TRPM3: variants seen among roughly 807,000 people sequenced by gnomAD.
TRPM3 encodes long transient receptor potential channel 3.
In TRPM3, 77 loss-of-function variants were observed where a neutral mutation model predicts 181.2. That is an observed-to-expected ratio of 0.42 (90% CI 0.35 to 0.51). The LOEUF (loss-of-function observed/expected upper bound fraction) is 0.51. Ranked by LOEUF, TRPM3 falls within the 20% of genes least tolerant of loss-of-function variation. The probability of loss-of-function intolerance (pLI) is 0.01; values close to 1 mark genes in which losing one functional copy is unlikely to be tolerated. For missense variants in TRPM3, 1,759 were observed against 2,196.7 expected, an observed-to-expected ratio of 0.80 and a Z score of 3.98; for synonymous variants, 745 against 796.4, an observed-to-expected ratio of 0.94 and a Z score of 1.09.
chr9:71,440,568 T>C (rs966312438), intron 1 of TRPM3, among the ~76,000 whole-genome samples: 1 of 152,206 alleles, frequency 6.6e-6, no homozygotes, highest in Non-Finnish European at 1.5e-5. Context: ...CCACCACACT[T>C]AAAGAGGCAT....
intron 1 of TRPM3, among the ~76,000 whole-genome samples, chr9:71,042,758 A>C (rs1435254500): frequency 6.6e-6 from 1 of 152,140 alleles, no homozygotes; most frequent in Non-Finnish European, 1.5e-5. Flanking sequence ...GTAAGAGTCA[A>C]TTTTTCAAAC....
intron 1 of TRPM3, among the ~76,000 whole-genome samples, chr9:71,435,292 T>C (rs1366057722): frequency 2.0e-5 from 3 of 152,240 alleles, no homozygotes; most frequent in Admixed American, 2.0e-4. Flanking sequence ...TCATGTTATA[T>C]GCCAAATTCT....
chr9:70,700,707 C>T (rs1564059937), intron 8 of TRPM3, among the ~76,000 whole-genome samples: 1 of 152,204 alleles, frequency 6.6e-6, no homozygotes, highest in Non-Finnish European at 1.5e-5. Flanking sequence ...TAGAAACTTT[C>T]ATCAGATTGA....
chr9:71,383,567 A>C (rs1251359126), intron 1 of TRPM3, among the ~76,000 whole-genome samples: 1 of 152,072 alleles, frequency 6.6e-6, no homozygotes, highest in Non-Finnish European at 1.5e-5. Context: ...GCCCTCCTCC[A>C]CAGCTACTAT....
intron 6 of TRPM3, among the ~76,000 whole-genome samples, chr9:70,815,686 T>C (rs2092630182): frequency 6.6e-6 from 1 of 152,246 alleles, no homozygotes; most frequent in Non-Finnish European, 1.5e-5. Flanking sequence ...CTTTTTGATT[T>C]GTAGATACTC....
intron 8 of TRPM3, among the ~76,000 whole-genome samples, chr9:70,737,575 A>G (rs2073023402): frequency 8.6e-6 from 1 of 116,442 alleles, no homozygotes; most frequent in Non-Finnish European, 1.8e-5. Context: ...CAATTAAAAG[A>G]CACAGAATGG....
Position 71,096,018 on chromosome 9 carries a change from G to A in TRPM3, c.177+25160C>T, listed in dbSNP as rs2067128684. ...TCTGTGGTTTTGTGGAGACCACCTTGGCTTTATCCATTTAAGGGTTAAACA... is the reference window on the plus strand; with the variant it reads ...TCTGTGGTTTTGTGGAGACCACCTTAGCTTTATCCATTTAAGGGTTAAACA... On this transcript the variant is annotated intron_variant, in intron 1 of 25. Coordinates refer to ENST00000677713, the MANE Select transcript of TRPM3 (RefSeq NM_001366145.2). Among the ~76,000 whole-genome samples the A allele has an allele frequency of 1.3e-5, 2 of 151,970 alleles. 1 individual carries two copies. Among genetic ancestry groups the A allele is most frequent in the South Asian group, 4.1e-4 (2 of 4,822 alleles).
At chr9:70,807,953 G>T (rs2091060286) in intron 6 of TRPM3, among the ~76,000 whole-genome samples, 1 of 151,890 alleles carries the variant, frequency 6.6e-6, no homozygotes. Context: ...AGTGAGAAGA[G>T]AATGAAATTT....
At chr9:71,323,333 T>C (rs1218512957) in intron 1 of TRPM3, among the ~76,000 whole-genome samples, 1 of 152,186 alleles carries the variant, frequency 6.6e-6, no homozygotes, top group East Asian at 1.9e-4. Flanking sequence ...TTCTCTAAAG[T>C]AGTCTTTTTC....
chr9:71,228,135 G>A (rs1469875678), intron 1 of TRPM3, among the ~76,000 whole-genome samples: 3 of 152,050 alleles, frequency 2.0e-5, no homozygotes, highest in East Asian at 3.8e-4. Context: ...ATCACTCATC[G>A]TGACCAAGTT....
chr9:70,827,447 G>C (rs1411708214), intron 6 of TRPM3: 3 of 154,520 alleles, frequency 1.9e-5, no homozygotes, highest in Admixed American at 1.9e-4. Context: ...CCTTTGCACA[G>C]CCAGATCGGT....
At chr9:70,909,613 G>A (rs935478737) in intron 1 of TRPM3, among the ~76,000 whole-genome samples, 54 of 152,120 alleles carry the variant, frequency 3.5e-4, no homozygotes, top group African/African-American at 1.1e-3. Context: ...AGTTAACTGG[G>A]GGTGGAGGGG....
chr9:70,913,665 G>T (rs150053894), intron 1 of TRPM3, among the ~76,000 whole-genome samples: 80 of 152,168 alleles, frequency 5.3e-4, no homozygotes, highest in African/African-American at 1.9e-3. Context: ...ATGATGCCCA[G>T]TCTTACCAGA....
chr9:71,389,000 AT>A (rs1166524799), intron 1 of TRPM3, among the ~76,000 whole-genome samples: 1 of 152,162 alleles, frequency 6.6e-6, no homozygotes, highest in Non-Finnish European at 1.5e-5. Flanking sequence ...ATGTTACATG[AT>A]AAAAAGAAGA....
At chr9:70,875,376 A>G (rs945451164) in intron 1 of TRPM3, among the ~76,000 whole-genome samples, 1 of 151,910 alleles carries the variant, frequency 6.6e-6, no homozygotes, top group African/African-American at 2.4e-5. Context: ...AATTCATGCA[A>G]TCATTTCTTT....
chr9:70,691,795 C>T (rs1008047620), intron 8 of TRPM3, among the ~76,000 whole-genome samples: 5 of 152,058 alleles, frequency 3.3e-5, no homozygotes, highest in African/African-American at 7.2e-5. Flanking sequence ...AAATAATTCC[C>T]CAAACCTCAA....
intron 1 of TRPM3, among the ~76,000 whole-genome samples, chr9:70,960,021 T>G (rs1244617856): frequency 6.6e-6 from 1 of 152,170 alleles, no homozygotes; most frequent in Non-Finnish European, 1.5e-5. Context: ...TTTGAATTTG[T>G]TTTGCCAGAG....
At chr9:71,446,873 G>T, upstream of TRPM3, 1 of 1,491,514 alleles carries the variant, frequency 6.7e-7, no homozygotes, top group Non-Finnish European at 9.0e-7. Flanking sequence ...ACAGCCCAGC[G>T]CCGAGCGCTC....
At chr9:70,748,030 T>G (rs1283107766) in intron 8 of TRPM3, among the ~76,000 whole-genome samples, 1 of 151,744 alleles carries the variant, frequency 6.6e-6, no homozygotes, top group South Asian at 2.1e-4. Context: ...ATTTTTAGAG[T>G]GGTGAGGAAG....
Sources: allele counts gnomAD v4.1 joint callset (sites outside exome capture counted in the v4.1 genomes callset), GRCh38; gene constraint gnomAD v4.1.1; transcripts MANE v1.5; gene names NCBI Gene and HGNC (gene_info 2026-07-23, HGNC 2026-07-21).